The following CSNK1G1 variants were observed in gnomAD, a reference collection of about 807,000 sequenced individuals.
CSNK1G1 encodes the protein casein kinase I isoform gamma-1.
CSNK1G1 carries 22 observed loss-of-function variants against 59.6 expected under a neutral mutation model. That is an observed-to-expected ratio of 0.37 (90% confidence interval 0.26 to 0.53). CSNK1G1 has a LOEUF of 0.53. CSNK1G1 is among the 20% of genes least tolerant of loss of function. The pLI is 0.89. For missense variants in CSNK1G1, 384 were observed against 519.5 expected (o/e 0.74, Z 2.54); for synonymous variants, 179 against 177.1 (o/e 1.01, Z -0.08).
chr15:64,325,809 T>TA lies in CSNK1G1; in HGVS notation c.-224-25087dup, dbSNP rs1264076995. Among the ~76,000 whole-genome samples, 6 of 152,208 alleles carry TA rather than the reference T, an allele frequency of 3.9e-5. No homozygotes were observed. In the East Asian group the frequency reaches 9.7e-4, roughly 24 times the overall value. On this transcript the variant is annotated intron_variant, in intron 1 of 11. Transcript: ENST00000303052. ...ACATAAAAGAAAAGATTAGAGAGGG[T>TA]AAGTAATTGGCCTAATACTACACAG...
intron 2 of CSNK1G1, among the ~76,000 whole-genome samples, chr15:64,269,540 C>CTGGAGTGCA (rs1282063910): frequency 6.9e-6 from 1 of 145,004 alleles, no homozygotes; most frequent in East Asian, 2.0e-4. Context: ...GTGGCCCAGG[C>CTGGAGTGCA]TGGAGTGCAG....
intron 10 of CSNK1G1, among the ~76,000 whole-genome samples, chr15:64,201,248 G>C (rs138294399): frequency 1.4e-5 from 2 of 145,910 alleles, no homozygotes; most frequent in Non-Finnish European, 3.0e-5. Flanking sequence ...CTCTAGCCTG[G>C]GTGACAGAGC....
chr15:64,315,251 G>A (rs1401595622), intron 1 of CSNK1G1, among the ~76,000 whole-genome samples: 1 of 152,190 alleles, frequency 6.6e-6, no homozygotes, highest in African/African-American at 2.4e-5. Context: ...TCAAGAGCTA[G>A]GGAACACAGT....
At chr15:64,258,325 G>A (rs567534998) in intron 3 of CSNK1G1, among the ~76,000 whole-genome samples, 70 of 151,722 alleles carry the variant, frequency 4.6e-4, no homozygotes, top group African/African-American at 1.6e-3. Context: ...GGAGGTTGCA[G>A]TGAGCCAAGA....
At chr15:64,324,150 C>T (rs1481924749) in intron 1 of CSNK1G1, among the ~76,000 whole-genome samples, 1 of 152,170 alleles carries the variant, frequency 6.6e-6, no homozygotes, top group Non-Finnish European at 1.5e-5. Context: ...ACTTACACTA[C>T]TATGTATTTA....
intron 10 of CSNK1G1, among the ~76,000 whole-genome samples, chr15:64,197,042 A>T (rs997818199): frequency 9.2e-5 from 14 of 152,196 alleles, no homozygotes; most frequent in Admixed American, 3.3e-4. Flanking sequence ...AGTGCCCACT[A>T]TTCTAAACAT....
Position 64,203,077 on chromosome 15 carries a change from C to T in CSNK1G1, c.1107+5G>A. The T allele has an allele frequency of 9.3e-6, 15 of 1,606,960 alleles. No individual in the cohort carries two copies. The highest frequency in any genetic ancestry group is 1.3e-5 in the Non-Finnish European group (15 of 1,173,502). ...TGTCTGAAAGAATGGAGGATCAACA[C>T]ATACCTGATTTCGAAGAGGCTGCTG... On this transcript the variant is annotated splice_donor_5th_base_variant and intron_variant, in intron 10 of 11. Transcript: ENST00000303052.
At chr15:64,204,637 C>T in intron 8 of CSNK1G1, 48 bp from the exon 9 acceptor site, 1 of 1,591,532 alleles carries the variant, frequency 6.3e-7, no homozygotes, top group Non-Finnish European at 8.6e-7. Context: ...GAATGCTTTC[C>T]ATAGCAGTTG....
chr15:64,229,654 G>A (rs1315751815), intron 4 of CSNK1G1, among the ~76,000 whole-genome samples: 1 of 151,954 alleles, frequency 6.6e-6, no homozygotes, highest in African/African-American at 2.4e-5. Context: ...AAGAAGAGGT[G>A]AGAAAAAAAG....
chr15:64,277,054 C>G (rs1893667543), intron 2 of CSNK1G1, among the ~76,000 whole-genome samples: 1 of 152,016 alleles, frequency 6.6e-6, no homozygotes, highest in South Asian at 2.1e-4. Flanking sequence ...CATGCAACGT[C>G]AGTGACTTGA....
chr15:64,186,948 G>C (rs758127216), intron 10 of CSNK1G1, among the ~76,000 whole-genome samples: 4 of 151,276 alleles, frequency 2.6e-5, no homozygotes, highest in Non-Finnish European at 5.9e-5. Context: ...TCAGCCTCCT[G>C]AGTAGCTGGA....
At chr15:64,268,828 G>C (rs1188803903) in intron 2 of CSNK1G1, among the ~76,000 whole-genome samples, 3 of 151,998 alleles carry the variant, frequency 2.0e-5, no homozygotes, top group African/African-American at 7.3e-5. Flanking sequence ...CCCTGAACTG[G>C]GATAAGTGGG....
At position 64,198,888 on chromosome 15, in the gene CSNK1G1, C is replaced by T. The variant is rs74781589; in HGVS notation, c.1107+4194G>A. 3.9e-3 allele frequency among the ~76,000 whole-genome samples: 588 copies of T among 151,818 alleles called. 7 individuals are homozygous for T. Among genetic ancestry groups the T allele is most frequent in the African/African-American group, 0.014 (563 of 41,406 alleles). On this transcript the variant is annotated intron_variant, in intron 10 of 11. Transcript: ENST00000303052. ...AGGATTCAGAATCCTGGTGGGAAGG[C>T]GTTATAACATTTACATCAACGTGAA...
intron 4 of CSNK1G1, among the ~76,000 whole-genome samples, chr15:64,229,961 G>A (rs28377707): frequency 1.9e-5 from 2 of 106,046 alleles, no homozygotes; most frequent in Admixed American, 1.5e-4. Context: ...TCACTCTGTC[G>A]CCCAGGCTGG....
intron 3 of CSNK1G1, among the ~76,000 whole-genome samples, chr15:64,258,921 T>C (rs1900242094): frequency 6.6e-6 from 1 of 152,152 alleles, no homozygotes; most frequent in Non-Finnish European, 1.5e-5. Context: ...AAAGATTAAG[T>C]TCACAGAGTT....
At chr15:64,306,032 A>G (rs967293017) in intron 1 of CSNK1G1, among the ~76,000 whole-genome samples, 1 of 152,222 alleles carries the variant, frequency 6.6e-6, no homozygotes. Context: ...ACAAAATGAT[A>G]AAACTCCTAC....
At chr15:64,218,402 T>TC (rs1219366767) in intron 4 of CSNK1G1, among the ~76,000 whole-genome samples, 1 of 152,144 alleles carries the variant, frequency 6.6e-6, no homozygotes, top group Non-Finnish European at 1.5e-5. Context: ...AACAACTTTT[T>TC]TTTTTTTTTA....
intron 2 of CSNK1G1, among the ~76,000 whole-genome samples, chr15:64,263,277 C>T (rs961440335): frequency 2.0e-5 from 3 of 151,576 alleles, no homozygotes; most frequent in East Asian, 4.0e-4. Context: ...CAACCTTTGC[C>T]TCCATGGTTC....
intron 2 of CSNK1G1, among the ~76,000 whole-genome samples, chr15:64,264,628 A>C (rs984446352): frequency 2.0e-5 from 3 of 152,232 alleles, no homozygotes; most frequent in African/African-American, 7.2e-5. Context: ...CGTCAACAAA[A>C]TACTAACAAA....
Sources: allele counts gnomAD v4.1 joint callset (sites outside exome capture counted in the v4.1 genomes callset), GRCh38; gene constraint gnomAD v4.1.1; transcripts MANE v1.5; gene names NCBI Gene and HGNC (gene_info 2026-07-23, HGNC 2026-07-21).